The following DTNA variants were observed in gnomAD, a reference collection of about 807,000 sequenced individuals.
The protein encoded by DTNA is dystrobrevin alpha.
A neutral mutation model predicts 100.7 loss-of-function variants in DTNA; 43 were observed. That is an observed-to-expected ratio of 0.43 (90% CI 0.33 to 0.55). The LOEUF (loss-of-function observed/expected upper bound fraction) is 0.55, where lower values mean the gene tolerates loss of function less well. Ranked by LOEUF, DTNA falls within the 20% of genes least tolerant of loss-of-function variation. DTNA has a pLI of 0.04. For synonymous variants in DTNA, 349 were observed against 347.9 expected, an observed-to-expected ratio of 1.00 and a Z score of -0.04; for missense variants, 798 against 953.9, an observed-to-expected ratio of 0.84 and a Z score of 2.15.
intron 1 of DTNA, among the ~76,000 whole-genome samples, chr18:34,752,663 T>C (rs184691752): frequency 3.1e-4 from 47 of 152,346 alleles, no homozygotes; most frequent in Non-Finnish European, 2.9e-5. Flanking sequence ...TCTCTTATAT[T>C]TATAATTATA....
chr18:34,685,611 G>A lies in DTNA; in HGVS notation c.-1-70365G>A, dbSNP rs563294813. Among the ~76,000 whole-genome samples, 3 of 152,204 alleles carry A rather than the reference G, an allele frequency of 2.0e-5. No individual in the cohort carries two copies. In the South Asian group the frequency reaches 6.2e-4, roughly 32 times the overall value. On this transcript the variant is annotated intron_variant, in intron 1 of 19. Transcript: ENST00000283365. ...TGTTCTTTTGGCTTAGGATTGTCTTGGCTATACAGGCTCTTTTTTGTTTCC... is the reference window on the plus strand; with the variant it reads ...TGTTCTTTTGGCTTAGGATTGTCTTAGCTATACAGGCTCTTTTTTGTTTCC...
chr18:34,867,990 ACAC>A (rs886053780), intron 17 of DTNA: 18 of 985,272 alleles, frequency 1.8e-5, no homozygotes, highest in African/African-American at 3.5e-5. Context: ...TTGCTTTTAT[ACAC>A]AAGCCTCTTT....
At chr18:34,619,980 A>C (rs2147827773) in intron 1 of DTNA, among the ~76,000 whole-genome samples, 1 of 152,278 alleles carries the variant, frequency 6.6e-6, no homozygotes, top group Admixed American at 6.5e-5. Flanking sequence ...AAAGAGATGG[A>C]GGGGTGAAAA....
chr18:34,721,882 C>T (rs1417737506), intron 1 of DTNA, among the ~76,000 whole-genome samples: 4 of 152,150 alleles, frequency 2.6e-5, no homozygotes, highest in African/African-American at 9.7e-5. Context: ...AAATACTCTT[C>T]CCCTGGCTAA....
intron 11 of DTNA, among the ~76,000 whole-genome samples, chr18:34,829,960 C>G (rs2095964039): frequency 6.6e-6 from 1 of 152,178 alleles, no homozygotes; most frequent in African/African-American, 2.4e-5. Flanking sequence ...CCATTTTCCC[C>G]CCAGGGAGGG....
chr18:34,799,393 C>T lies in DTNA; in HGVS notation c.362+5143C>T, dbSNP rs144265239. ...TGTCTTTCGAATTTAAAAAATGATT[C>T]GATATTTAATGCAAAATGTACTACA... is the stretch of plus-strand genomic sequence containing the variant. On this transcript the variant is annotated intron_variant, in intron 4 of 22. Coordinates refer to ENST00000444659, the MANE Select transcript of DTNA (RefSeq NM_001386795.1). Among the ~76,000 whole-genome samples, 533 of 152,088 alleles carry T rather than the reference C, an allele frequency of 3.5e-3. 3 individuals carry two copies. The highest frequency in any genetic ancestry group is 5.6e-3 in the South Asian group (27 of 4,812).
At chr18:34,813,920 TTTCTC>T (rs1200061052) in intron 6 of DTNA, among the ~76,000 whole-genome samples, 9 of 152,162 alleles carry the variant, frequency 5.9e-5, no homozygotes, top group Non-Finnish European at 1.3e-4. Flanking sequence ...CTTTCCAACT[TTTCTC>T]ATGGCATGCT....
chr18:34,744,362 C>T (rs2091225280), intron 1 of DTNA, among the ~76,000 whole-genome samples: 1 of 152,132 alleles, frequency 6.6e-6, no homozygotes, highest in African/African-American at 2.4e-5. Context: ...AAGCACCATG[C>T]CACTGTTGGA....
intron 3 of DTNA, among the ~76,000 whole-genome samples, chr18:34,770,626 C>T (rs2093715921): frequency 6.6e-6 from 1 of 152,146 alleles, no homozygotes; most frequent in African/African-American, 2.4e-5. Flanking sequence ...CAAGAGGCCA[C>T]TGTCACCCAT....
At chr18:34,885,037 C>T (rs759208920) in intron 22 of DTNA, among the ~76,000 whole-genome samples, 7 of 152,188 alleles carry the variant, frequency 4.6e-5, no homozygotes, top group African/African-American at 7.2e-5. Flanking sequence ...AACCTAGAGA[C>T]GTTCCAGTAA....
intron 1 of DTNA, among the ~76,000 whole-genome samples, chr18:34,502,578 T>A (rs1484997652): frequency 1.3e-5 from 2 of 152,246 alleles, no homozygotes; most frequent in South Asian, 2.1e-4. Flanking sequence ...TTTAGTTGAA[T>A]GTATTTTTAA....
At chr18:34,506,589 A>C (rs1412078262) in intron 1 of DTNA, among the ~76,000 whole-genome samples, 1 of 152,116 alleles carries the variant, frequency 6.6e-6, no homozygotes, top group African/African-American at 2.4e-5. Flanking sequence ...TTATCTAGCT[A>C]TGATGCTCCT....
intron 16 of DTNA, among the ~76,000 whole-genome samples, chr18:34,863,630 G>A (rs762781105): frequency 2.0e-5 from 3 of 152,198 alleles, no homozygotes; most frequent in African/African-American, 7.2e-5. Context: ...TTTGGTTTTT[G>A]TTTGTTTCAA....
chr18:34,738,179 G>T (rs1431288350), intron 1 of DTNA, among the ~76,000 whole-genome samples: 1 of 152,134 alleles, frequency 6.6e-6, no homozygotes. Flanking sequence ...AGGTGGCTTG[G>T]ACATACAAAG....
intron 1 of DTNA, among the ~76,000 whole-genome samples, chr18:34,650,658 A>G (rs1479701507): frequency 1.3e-5 from 2 of 152,160 alleles, no homozygotes; most frequent in Non-Finnish European, 2.9e-5. Flanking sequence ...GACAGACACT[A>G]TACTAGGCCC....
chr18:34,799,921 A>T (rs557859066), intron 4 of DTNA, among the ~76,000 whole-genome samples: 1 of 152,256 alleles, frequency 6.6e-6, no homozygotes, highest in Admixed American at 6.5e-5. Context: ...CGCTATAAGG[A>T]GTACTTTTCC....
At chr18:34,729,388 A>C (rs1359838839) in intron 1 of DTNA, among the ~76,000 whole-genome samples, 6 of 152,296 alleles carry the variant, frequency 3.9e-5, no homozygotes, top group Admixed American at 3.3e-4. Flanking sequence ...ATCAAGAGAC[A>C]GAGAGAGACA....
chr18:34,523,870 TAATTA>T (rs892429371), intron 1 of DTNA, among the ~76,000 whole-genome samples: 4 of 152,326 alleles, frequency 2.6e-5, no homozygotes, highest in East Asian at 1.9e-4. Flanking sequence ...TTGATTTTGC[TAATTA>T]AATCTGGCAA....
chr18:34,600,579 A>G (rs16965624), intron 1 of DTNA, among the ~76,000 whole-genome samples: 5,252 of 152,282 alleles, frequency 0.034, 267 homozygotes, highest in African/African-American at 0.12. Context: ...ATGCATATGA[A>G]CTTCCAGGTC....
Sources: gnomAD v4.1 joint callset for allele counts (sites outside exome capture counted in the v4.1 genomes callset) on GRCh38, gnomAD v4.1.1 for gene constraint, MANE v1.5 for transcripts, NCBI Gene and HGNC (gene_info 2026-07-23, HGNC 2026-07-21) for gene names.